Variants in KCNJ5 observed in about 807,000 individuals in gnomAD.
The protein encoded by KCNJ5 is G protein-activated inward rectifier potassium channel 4.
KCNJ5 carries 12 observed loss-of-function variants against 20.2 expected under a neutral mutation model. The observed-to-expected ratio is 0.59, with a 90% CI of 0.38 to 0.96. The LOEUF is 0.96. Ranked by LOEUF, KCNJ5 falls within the 40% of genes least tolerant of loss-of-function variation. The probability of loss-of-function intolerance (pLI) is 0.00; values close to 1 mark genes in which losing one functional copy is unlikely to be tolerated. For missense variants in KCNJ5, 449 were observed against 557.6 expected (o/e 0.81, Z 1.96); for synonymous variants, 210 against 213.9 (o/e 0.98, Z 0.16).
intron 1 of KCNJ5, among the ~76,000 whole-genome samples, chr11:128,908,611 C>T (rs750654038): frequency 6.6e-6 from 1 of 152,178 alleles, no homozygotes; most frequent in Non-Finnish European, 1.5e-5. Context: ...ACAAAGCCTT[C>T]GCCTACAAGA....
Position 128,911,889 on chromosome 11 carries a change from G to T in KCNJ5, c.616G>T (p.Ala206Ser). Residue 206 changes from alanine to serine, a missense_variant, in exon 2 of 3, where the codon GCA (alanine) becomes TCA (serine). Transcript: ENST00000529694. The surrounding 1 kb of genome is among the most constrained non-coding windows in gnomAD (Gnocchi z 6.3). ...RAETLMFSNN[A>S]VISMRDEKLC... ...GGAGACCCTCATGTTTTCCAACAACGCAGTCATCTCCATGCGGGACGAGAA... is the reference window on the plus strand; with the variant it reads ...GGAGACCCTCATGTTTTCCAACAACTCAGTCATCTCCATGCGGGACGAGAA... 2 of 1,609,904 alleles carry T rather than the reference G, an allele frequency of 1.2e-6. No individual in the cohort carries two copies. Among genetic ancestry groups the T allele is most frequent in the Non-Finnish European group, 1.7e-6 (2 of 1,176,692 alleles).
chr11:128,913,568 TTCTC>T (rs770899635), intron 2 of KCNJ5, among the ~76,000 whole-genome samples: 8 of 69,920 alleles, frequency 1.1e-4, no homozygotes, highest in African/African-American at 4.1e-4. Flanking sequence ...GTGCCTTCCT[TTCTC>T]TCTCTCTCTC....
In KCNJ5 at chr11:128,912,138, A is replaced by C; in HGVS notation, c.865A>C (p.Met289Leu). ...CAACCAGAAGAGCCCTTTCTGGGAG[A>C]TGTCTCAGGCTCAGCTGCATCAGGA... is the stretch of plus-strand genomic sequence containing the variant. ...EINQKSPFWEMSQAQLHQEEF... is the reference protein window; with the variant it reads ...EINQKSPFWELSQAQLHQEEF... The change falls in exon 2 of 3, where the codon ATG becomes CTG. Residue 289 changes from methionine (M) to leucine (L), a missense_variant. By Grantham distance (15) the Met-to-Leu change is conservative (BLOSUM62 2). This residue lies in a region of KCNJ5 where 145 missense variants were observed against 166.2 expected (regional missense o/e 0.87). Transcript: ENST00000529694. 6.2e-7 allele frequency: 1 copy of C among 1,612,410 alleles called. No individual in the cohort carries two copies. Among genetic ancestry groups the C allele is most frequent in the Non-Finnish European group, 8.5e-7 (1 of 1,179,988 alleles).
intron 1 of KCNJ5, among the ~76,000 whole-genome samples, chr11:128,899,006 C>T (rs1591439065): frequency 6.6e-6 from 1 of 152,192 alleles, no homozygotes; most frequent in South Asian, 2.1e-4. Context: ...CTTTGTTTTT[C>T]TCTTATTCTC....
At chr11:128,902,206 G>T (rs1322596581) in intron 1 of KCNJ5, 1 of 338,554 alleles carries the variant, frequency 3.0e-6, no homozygotes, top group Admixed American at 4.4e-5. Flanking sequence ...CACCTCTGCA[G>T]TCCCTTCCAC....
rs759725578 is a variant in KCNJ5 at position 128,911,259 on chromosome 11, C to G, written c.-10-5C>G. 6 of 1,611,928 alleles carry G rather than the reference C, an allele frequency of 3.7e-6. No individual in the cohort carries two copies. In the South Asian group the frequency reaches 6.6e-5, roughly 18 times the overall value. The stretch of plus-strand genomic sequence containing the variant: ...CTTCACTGATGGTGTCTTTTTAACT[C>G]AAAGCATCCCAGCTATGGCTGGCGA... On this transcript the variant is annotated splice_polypyrimidine_tract_variant and splice_region_variant and intron_variant, in intron 1 of 2. Transcript: ENST00000529694. The surrounding 1 kb of genome is among the most constrained non-coding windows in gnomAD (Gnocchi z 6.3).
intron 2 of KCNJ5, among the ~76,000 whole-genome samples, chr11:128,915,215 C>T (rs1166076288): frequency 6.6e-6 from 1 of 152,212 alleles, no homozygotes; most frequent in African/African-American, 2.4e-5. Context: ...CAGAGGCCTC[C>T]TCATCCATAA....
At chr11:128,904,524 T>C in intron 1 of KCNJ5, 8 of 1,476,994 alleles carry the variant, frequency 5.4e-6, no homozygotes, top group Non-Finnish European at 7.6e-6. Flanking sequence ...GGCGGAGAGG[T>C]CGTGCTACTC....
In KCNJ5 at chr11:128,916,414, A is replaced by T. The variant is rs753416441; in HGVS notation, c.943A>T (p.Thr315Ser). 1 of 1,613,868 alleles carries T rather than the reference A, an allele frequency of 6.2e-7. No homozygotes were observed. The highest frequency in any genetic ancestry group is 8.5e-7 in the Non-Finnish European group (1 of 1,179,704). The change falls in exon 3 of 3, where the codon ACC becomes TCC. Residue 315 changes from threonine to serine, a missense_variant. By Grantham distance (58) the Thr-to-Ser change is moderately conservative. Coordinates refer to ENST00000529694, the MANE Select transcript of KCNJ5 (RefSeq NM_000890.5). ...TGTAACTTCCGTTTCCCCAGGCATGACCTGCCAAGCCCGGAGCTCCTACAT... is the reference window on the plus strand; with the variant it reads ...TGTAACTTCCGTTTCCCCAGGCATGTCCTGCCAAGCCCGGAGCTCCTACAT... The part of the protein sequence containing the change: ...LEGMVEATGM[T>S]CQARSSYMDT...
intron 1 of KCNJ5, among the ~76,000 whole-genome samples, chr11:128,896,994 C>A (rs754228734): frequency 6.6e-6 from 1 of 151,900 alleles, no homozygotes. Flanking sequence ...TGCATCTTTG[C>A]CAACATTTGT....
chr11:128,913,603 C>T (rs1184377095), intron 2 of KCNJ5, among the ~76,000 whole-genome samples: 1 of 148,696 alleles, frequency 6.7e-6, no homozygotes, highest in African/African-American at 2.5e-5. Flanking sequence ...CAACCAGGTA[C>T]AATGAGCAGC....
At chr11:128,913,238 G>T (rs1313896757) in intron 2 of KCNJ5, among the ~76,000 whole-genome samples, 1 of 152,188 alleles carries the variant, frequency 6.6e-6, no homozygotes, top group African/African-American at 2.4e-5. Flanking sequence ...CTTGCAGAAG[G>T]TTGGTTTAGT....
At chr11:128,915,117 T>C (rs1944557839) in intron 2 of KCNJ5, among the ~76,000 whole-genome samples, 6 of 152,232 alleles carry the variant, frequency 3.9e-5, no homozygotes, top group Admixed American at 3.3e-4. Context: ...CTGGAGACGG[T>C]TGCCTTCAGC....
intron 2 of KCNJ5, among the ~76,000 whole-genome samples, 165 bp from the exon 3 acceptor site, chr11:128,916,244 A>AGATGGACG (rs1758126159): frequency 7.7e-6 from 1 of 129,170 alleles, no homozygotes; most frequent in Non-Finnish European, 1.6e-5. Context: ...ATAGATGATT[A>AGATGGACG]GATGGATGGA....
intron 2 of KCNJ5, among the ~76,000 whole-genome samples, chr11:128,914,169 T>G (rs1278910974): frequency 6.6e-6 from 1 of 152,148 alleles, no homozygotes; most frequent in Non-Finnish European, 1.5e-5. Flanking sequence ...CAGGCTGCAT[T>G]TCAGGGGAAG....
At chr11:128,915,603 G>A (rs1555145579) in intron 2 of KCNJ5, among the ~76,000 whole-genome samples, 2 of 152,134 alleles carry the variant, frequency 1.3e-5, no homozygotes, top group Non-Finnish European at 2.9e-5. Flanking sequence ...CAATCTCTAG[G>A]AAATGACTTT....
Position 128,916,627 on chromosome 11 carries a change from C to A in KCNJ5, c.1156C>A (p.Leu386Met). ...LLQYLPSPPL[L>M]GGCAEAGLDA... ...CCAGTACCTCCCCAGCCCCCCACTGCTGGGGGGCTGTGCTGAGGCAGGGCT... is the reference window on the plus strand; with the variant it reads ...CCAGTACCTCCCCAGCCCCCCACTGATGGGGGGCTGTGCTGAGGCAGGGCT... The change falls in exon 3 of 3, where the codon CTG (leucine) becomes ATG (methionine). Residue 386 changes from leucine to methionine, a missense_variant. Leu to Met is a conservative substitution (Grantham distance 15, BLOSUM62 2). Transcript: ENST00000529694. The A allele has an allele frequency of 1.2e-6, 2 of 1,613,486 alleles. No individual in the cohort carries two copies. Among genetic ancestry groups the A allele is most frequent in the Non-Finnish European group, 1.7e-6 (2 of 1,179,526 alleles).
intron 1 of KCNJ5, chr11:128,904,358 GCCTGTGTACT>G: frequency 6.4e-7 from 1 of 1,569,538 alleles, no homozygotes; most frequent in Non-Finnish European, 8.6e-7. Flanking sequence ...GATTTTTTTT[GCCTGTGTACT>G]CCCCACCAGA....
intron 1 of KCNJ5, chr11:128,901,570 T>G (rs905839160): frequency 3.9e-5 from 6 of 152,292 alleles, no homozygotes; most frequent in African/African-American, 9.6e-5. Context: ...CAGGTCAGGA[T>G]GTCTCCGAGC....
Sources: allele counts gnomAD v4.1 joint callset (sites outside exome capture counted in the v4.1 genomes callset), GRCh38; gene constraint gnomAD v4.1.1; regional missense constraint gnomAD v4.1.1; non-coding constraint Gnocchi (gnomAD v3.1); transcripts MANE v1.5; gene names NCBI Gene and HGNC (gene_info 2026-07-23, HGNC 2026-07-21).